DNAJC1: variants seen among roughly 807,000 people sequenced by gnomAD.
DNAJC1 encodes the protein dnaJ homolog subfamily C member 1.
In DNAJC1, 58 loss-of-function variants were observed where a neutral mutation model predicts 76.6. The ratio of observed to expected loss-of-function variants is 0.76; its 90% CI spans 0.61 to 0.94. The LOEUF (loss-of-function observed/expected upper bound fraction) is 0.94, where lower values mean the gene tolerates loss of function less well. Ranked by LOEUF, DNAJC1 falls within the 40% of genes least tolerant of loss-of-function variation. The pLI is 0.00. For missense variants in DNAJC1, 689 were observed against 677.3 expected (o/e 1.02, Z -0.19); for synonymous variants, 258 against 267.9 (o/e 0.96, Z 0.36).
chr10:21,837,232 G>C (rs2131674836), intron 8 of DNAJC1, among the ~76,000 whole-genome samples: 1 of 152,326 alleles, frequency 6.6e-6, no homozygotes, highest in African/African-American at 2.4e-5. Flanking sequence ...GCCCAGGCTG[G>C]AGTGCAGTGG....
chr10:21,837,685 G>A (rs1299991963), intron 8 of DNAJC1, among the ~76,000 whole-genome samples: 106 of 150,704 alleles, frequency 7.0e-4, no homozygotes, highest in African/African-American at 2.1e-3. Context: ...CAGCCGCCCC[G>A]TCTGGGAAGT....
chr10:21,856,425 T>G (rs904336921), intron 8 of DNAJC1, among the ~76,000 whole-genome samples: 6 of 152,234 alleles, frequency 3.9e-5, no homozygotes, highest in African/African-American at 1.4e-4. Flanking sequence ...GATATTTATA[T>G]CTATTGTAGC....
intron 6 of DNAJC1, among the ~76,000 whole-genome samples, chr10:21,912,153 T>G (rs1836873794): frequency 6.6e-6 from 1 of 152,112 alleles, no homozygotes; most frequent in South Asian, 2.1e-4. Context: ...GGGGCGAAAT[T>G]TATTCTTTTT....
At chr10:21,841,053 T>G (rs190520606) in intron 8 of DNAJC1, among the ~76,000 whole-genome samples, 10 of 152,274 alleles carry the variant, frequency 6.6e-5, no homozygotes, top group African/African-American at 2.4e-4. Flanking sequence ...TAGCCATATG[T>G]AGAAAGCTGA....
chr10:21,822,976 G>A (rs1310651010), intron 8 of DNAJC1, among the ~76,000 whole-genome samples: 3 of 151,540 alleles, frequency 2.0e-5, no homozygotes, highest in Non-Finnish European at 2.9e-5. Flanking sequence ...TACCACGGTC[G>A]GTAGTTTCAA....
At chr10:21,932,062 T>C (rs890893344) in intron 1 of DNAJC1, among the ~76,000 whole-genome samples, 5 of 151,942 alleles carry the variant, frequency 3.3e-5, no homozygotes, top group African/African-American at 1.2e-4. Context: ...TGAGGCTGGG[T>C]GTGGTGGCTC....
intron 9 of DNAJC1, among the ~76,000 whole-genome samples, chr10:21,790,350 G>C (rs1354300244): frequency 6.6e-6 from 1 of 151,960 alleles, no homozygotes; most frequent in Non-Finnish European, 1.5e-5. Flanking sequence ...GATCCTCCCA[G>C]AGGCACATTA....
chr10:21,934,685 G>C (rs1439208394), intron 1 of DNAJC1, among the ~76,000 whole-genome samples: 11 of 152,138 alleles, frequency 7.2e-5, no homozygotes, highest in Admixed American at 7.2e-4. Flanking sequence ...TTGTAGCCCA[G>C]GAGCAATAGG....
intron 3 of DNAJC1, among the ~76,000 whole-genome samples, chr10:21,923,451 G>C (rs1278120116): frequency 6.6e-6 from 1 of 151,868 alleles, no homozygotes; most frequent in Non-Finnish European, 1.5e-5. Context: ...CACTGTATTA[G>C]GCTTTTCTAT....
At chr10:21,924,886 T>C (rs1364050954) in intron 3 of DNAJC1, among the ~76,000 whole-genome samples, 1 of 152,208 alleles carries the variant, frequency 6.6e-6, no homozygotes, top group Non-Finnish European at 1.5e-5. Context: ...CTGAACACTG[T>C]AGGCAATTAT....
At chr10:21,785,098 T>C (rs964997132) in intron 9 of DNAJC1, among the ~76,000 whole-genome samples, 1 of 152,144 alleles carries the variant, frequency 6.6e-6, no homozygotes, top group African/African-American at 2.4e-5. Flanking sequence ...TAAAAAAGTC[T>C]TATTTATAAA....
chr10:21,817,159 C>CAAAAA (rs1194285168), intron 8 of DNAJC1, among the ~76,000 whole-genome samples: 5 of 59,862 alleles, frequency 8.4e-5, no homozygotes, highest in South Asian at 9.5e-4. Flanking sequence ...GATTCCGTCT[C>CAAAAA]AAAAAAAAAA....
At chr10:21,864,966 G>A (rs1315023036) in intron 8 of DNAJC1, among the ~76,000 whole-genome samples, 2 of 152,160 alleles carry the variant, frequency 1.3e-5, no homozygotes, top group South Asian at 2.1e-4. Context: ...ATGAAAAGAT[G>A]CTCGGCATTA....
At chr10:21,835,397 G>A (rs191623399) in intron 8 of DNAJC1, among the ~76,000 whole-genome samples, 43 of 152,242 alleles carry the variant, frequency 2.8e-4, no homozygotes, top group Admixed American at 5.9e-4. Flanking sequence ...CAGAAAAACT[G>A]GAAACTTTAA....
chr10:21,980,025 TC>T (rs1436983583), intron 1 of DNAJC1, among the ~76,000 whole-genome samples: 1 of 152,026 alleles, frequency 6.6e-6, no homozygotes. Flanking sequence ...TTTTCCAGAA[TC>T]AAAACATTAA....
intron 8 of DNAJC1, among the ~76,000 whole-genome samples, chr10:21,830,263 A>G (rs1835334767): frequency 6.6e-6 from 1 of 152,138 alleles, no homozygotes; most frequent in African/African-American, 2.4e-5. Flanking sequence ...CACATCCTTA[A>G]GTAGACTTCA....
chr10:21,928,240 C>T (rs1412343211), intron 3 of DNAJC1, among the ~76,000 whole-genome samples: 2 of 152,246 alleles, frequency 1.3e-5, no homozygotes, highest in East Asian at 1.9e-4. Flanking sequence ...CATAAACACT[C>T]ATGTTAAAAG....
In DNAJC1 at chr10:21,759,233, C is replaced by T; in HGVS notation, c.1533G>A (p.Gln511=). Residue 511 remains glutamine (Q), a synonymous_variant, in exon 11 of 12, where the codon CAG becomes CAA. Transcript: ENST00000376980. ...QQKLLELALQ[Q]YPRGSSDRWD... ...AGCGGTCAGAGGATCCCCTTGGGTACTGCTGCAACGCCAGTTCCAGAAGTT... is the reference window on the plus strand; with the variant it reads ...AGCGGTCAGAGGATCCCCTTGGGTATTGCTGCAACGCCAGTTCCAGAAGTT... The T allele has an allele frequency of 6.2e-7, 1 of 1,614,234 alleles. No individual in the cohort carries two copies. The highest frequency in any genetic ancestry group is 8.5e-7 in the Non-Finnish European group (1 of 1,180,044).
intron 8 of DNAJC1, among the ~76,000 whole-genome samples, chr10:21,867,189 A>G (rs564089378): frequency 5.9e-5 from 9 of 152,124 alleles, no homozygotes; most frequent in Non-Finnish European, 1.0e-4. Context: ...ACAAGCATAC[A>G]ATATACAGAC....
Sources: gnomAD v4.1 joint callset for allele counts (sites outside exome capture counted in the v4.1 genomes callset) on GRCh38, gnomAD v4.1.1 for gene constraint, MANE v1.5 for transcripts, NCBI Gene and HGNC (gene_info 2026-07-23, HGNC 2026-07-21) for gene names.